The following SRRM4 variants were observed in gnomAD, a reference collection of about 807,000 sequenced individuals.
SRRM4 encodes the protein serine/arginine repetitive matrix 4.
In SRRM4, 33 loss-of-function variants were observed where a neutral mutation model predicts 68.9. That is an observed-to-expected ratio of 0.48 (90% CI 0.36 to 0.64). The LOEUF (loss-of-function observed/expected upper bound fraction) is 0.64, where lower values mean the gene tolerates loss of function less well. SRRM4 is among the 30% of genes least tolerant of loss of function. The probability of loss-of-function intolerance (pLI) is 0.00; values close to 1 mark genes in which losing one functional copy is unlikely to be tolerated. For synonymous variants in SRRM4, 318 were observed against 318.8 expected, an observed-to-expected ratio of 1.00 and a Z score of 0.03; for missense variants, 817 against 827.1, an observed-to-expected ratio of 0.99 and a Z score of 0.15.
intron 1 of SRRM4, among the ~76,000 whole-genome samples, chr12:119,044,584 G>C (rs1394620813): frequency 1.3e-5 from 2 of 152,094 alleles, no homozygotes; most frequent in South Asian, 2.1e-4. Flanking sequence ...ACAAGCTTTA[G>C]ACCCAAACAG....
At chr12:119,083,888 A>G (rs1386561978) in intron 1 of SRRM4, among the ~76,000 whole-genome samples, 1 of 152,196 alleles carries the variant, frequency 6.6e-6, no homozygotes, top group Non-Finnish European at 1.5e-5. Flanking sequence ...TTGGCCATGC[A>G]GAGACACAGG....
At position 119,030,613 on chromosome 12, in the gene SRRM4, T is replaced by C. The variant is rs531214366; in HGVS notation, c.131+48600T>C. Among the ~76,000 whole-genome samples the C allele has an allele frequency of 2.6e-5, 4 of 152,356 alleles. No homozygotes were observed. In the East Asian group the frequency reaches 7.7e-4, roughly 29 times the overall value. On this transcript the variant is annotated intron_variant, in intron 1 of 12. Transcript: ENST00000267260. ...TTTTTATTGGTATATCTGCAGTCTT[T>C]TTCTCTATGCATATCTGTATATCTC...
chr12:119,101,254 ACT>A (rs1954076348), intron 1 of SRRM4, among the ~76,000 whole-genome samples: 1 of 151,944 alleles, frequency 6.6e-6, no homozygotes, highest in Non-Finnish European at 1.5e-5. Flanking sequence ...CAAACTCCTG[ACT>A]CTTCCTAGTT....
At chr12:119,007,985 C>T (rs1490852245) in intron 1 of SRRM4, among the ~76,000 whole-genome samples, 1 of 152,172 alleles carries the variant, frequency 6.6e-6, no homozygotes, top group Admixed American at 6.5e-5. Flanking sequence ...CTATTAAGAT[C>T]TAACTTGTCA....
chr12:119,059,280 ATTCATTTG>A (rs1399573731), intron 1 of SRRM4, among the ~76,000 whole-genome samples: 2 of 152,076 alleles, frequency 1.3e-5, no homozygotes, highest in Admixed American at 6.6e-5. Flanking sequence ...TCATTCATTC[ATTCATTTG>A]TTCATTTGTT....
intron 1 of SRRM4, among the ~76,000 whole-genome samples, chr12:119,077,554 A>C (rs1018087005): frequency 2.0e-5 from 3 of 152,184 alleles, no homozygotes; most frequent in African/African-American, 7.2e-5. Flanking sequence ...TGGGCATGTA[A>C]TAAATGACCC....
At chr12:119,095,464 G>T (rs950778213) in intron 1 of SRRM4, among the ~76,000 whole-genome samples, 3 of 152,136 alleles carry the variant, frequency 2.0e-5, no homozygotes, top group Non-Finnish European at 4.4e-5. Flanking sequence ...GCCTCTCCAG[G>T]TTTCAGTGCC....
chr12:118,990,678 A>G (rs1953310978), intron 1 of SRRM4, among the ~76,000 whole-genome samples: 2 of 152,196 alleles, frequency 1.3e-5, no homozygotes, highest in South Asian at 4.1e-4. Flanking sequence ...ACTTGCAGCA[A>G]TACTGCTTTC....
At chr12:119,074,699 GAC>G (rs1450310239) in intron 1 of SRRM4, among the ~76,000 whole-genome samples, 2 of 152,060 alleles carry the variant, frequency 1.3e-5, no homozygotes, top group African/African-American at 4.8e-5. Flanking sequence ...ATCGATCAAA[GAC>G]AGCCTACACA....
At chr12:119,079,814 G>C (rs1215879156) in intron 1 of SRRM4, among the ~76,000 whole-genome samples, 2 of 152,064 alleles carry the variant, frequency 1.3e-5, no homozygotes, top group Non-Finnish European at 2.9e-5. Context: ...TACTAGTCAA[G>C]TGGGGTAATG....
In SRRM4 at chr12:119,071,668, CCCCAGAACTA is replaced by C. The variant is rs150326168; in HGVS notation, c.132-30567_132-30558del. 8.8e-3 allele frequency among the ~76,000 whole-genome samples: 1,343 copies of C among 152,292 alleles called. 21 individuals are homozygous for C. Among genetic ancestry groups the C allele is most frequent in the African/African-American group, 0.031 (1,274 of 41,546 alleles). On this transcript the variant is annotated intron_variant, in intron 1 of 12. Transcript: ENST00000267260. ...GGCCTCTCCTTAATCAGTCCCCAGT[CCCCAGAACTA>C]ATGACTGTTTCCTGTTTTAGAACTT...
At chr12:119,003,995 A>C (rs909231796) in intron 1 of SRRM4, among the ~76,000 whole-genome samples, 1 of 152,106 alleles carries the variant, frequency 6.6e-6, no homozygotes, top group Non-Finnish European at 1.5e-5. Flanking sequence ...TTAATTGATC[A>C]GTTATTTAAT....
At chr12:119,036,834 C>T (rs1953630602) in intron 1 of SRRM4, 3 of 152,330 alleles carry the variant, frequency 2.0e-5, no homozygotes, top group Admixed American at 2.0e-4. Flanking sequence ...ATACCCACTG[C>T]TCAAGCCAGC....
chr12:119,069,287 C>G (rs964967589), intron 1 of SRRM4, among the ~76,000 whole-genome samples: 1 of 152,100 alleles, frequency 6.6e-6, no homozygotes, highest in African/African-American at 2.4e-5. Flanking sequence ...ATGCTGGAGT[C>G]CACCCCTCCT....
At position 119,154,352 on chromosome 12, in the gene SRRM4, C is replaced by T; in HGVS notation, c.1501C>T (p.Pro501Ser). 1 of 1,613,276 alleles carries T rather than the reference C, an allele frequency of 6.2e-7. No individual in the cohort carries two copies. Among genetic ancestry groups the T allele is most frequent in the Non-Finnish European group, 8.5e-7 (1 of 1,179,780 alleles). Residue 501 changes from proline to serine, a missense_variant, in exon 12 of 13, where the codon CCG (proline) becomes TCG (serine). Physicochemically the swap from Pro to Ser is moderately conservative, Grantham distance 74 (BLOSUM62 -1). Transcript: ENST00000267260. The surrounding 1 kb of genome is among the most constrained non-coding windows in gnomAD (Gnocchi z 4.7). ...SPMRKRRRDS[P>S]SHLEARRITS... is the part of the protein sequence containing the mutation. ...TATGAGAAAGCGCCGGAGAGACTCC[C>T]CGAGCCACCTGGAGGCCCGGAGGAT...
At chr12:118,998,549 G>A (rs904708182) in intron 1 of SRRM4, among the ~76,000 whole-genome samples, 2 of 152,288 alleles carry the variant, frequency 1.3e-5, no homozygotes, top group African/African-American at 2.4e-5. Context: ...CATTTACTAC[G>A]CTGTTGGTGC....
intron 1 of SRRM4, among the ~76,000 whole-genome samples, chr12:119,048,805 G>A (rs1953723688): frequency 6.6e-6 from 1 of 152,080 alleles, no homozygotes; most frequent in Non-Finnish European, 1.5e-5. Context: ...CTTGCCTATA[G>A]TCCGAGTACT....
chr12:119,010,403 T>C (rs1432995286), intron 1 of SRRM4, among the ~76,000 whole-genome samples: 1 of 152,116 alleles, frequency 6.6e-6, no homozygotes, highest in Admixed American at 6.5e-5. Flanking sequence ...ATATATTAAG[T>C]GGTTGAAGAT....
Position 119,151,046 on chromosome 12 carries a change from C to T in SRRM4, c.1106C>T (p.Ala369Val), listed in dbSNP as rs142472990. 24 of 1,613,836 alleles carry T rather than the reference C, an allele frequency of 1.5e-5. No individual in the cohort carries two copies. Among genetic ancestry groups the T allele is most frequent in the African/African-American group, 2.7e-5 (2 of 74,902 alleles). Residue 369 changes from alanine to valine, a missense_variant, in exon 10 of 13, where the codon GCC becomes GTC. Coordinates refer to ENST00000267260, the MANE Select transcript of SRRM4 (RefSeq NM_194286.4). Reference protein sequence around the residue: ...RGFQSPCLECAEVKKSSLVPS... With the variant: ...RGFQSPCLECVEVKKSSLVPS... ...TTTCAGTCACCGTGTCTGGAATGTG[C>T]CGAAGTGAAGAAGTCCAGTTTGGTC...
Sources: allele counts gnomAD v4.1 joint callset (sites outside exome capture counted in the v4.1 genomes callset), GRCh38; gene constraint gnomAD v4.1.1; non-coding constraint Gnocchi (gnomAD v3.1); transcripts MANE v1.5; gene names NCBI Gene and HGNC (gene_info 2026-07-23, HGNC 2026-07-21).